PFKFB3: variants seen among roughly 807,000 people sequenced by gnomAD.
PFKFB3 encodes 6-phosphofructo-2-kinase/fructose-2,6-biphosphatase 3, also known as 6-phosphofructo-2-kinase/fructose-2,6-bisphosphatase 3.
Under a neutral mutation model 68.0 loss-of-function variants are expected in PFKFB3, and 33 were observed. The ratio of observed to expected loss-of-function variants is 0.49; its 90% CI spans 0.37 to 0.65. The LOEUF is 0.65. PFKFB3 is among the 30% of genes least tolerant of loss of function. The probability of loss-of-function intolerance (pLI) is 0.00; values close to 1 mark genes in which losing one functional copy is unlikely to be tolerated. For synonymous variants in PFKFB3, 315 were observed against 288.2 expected, an observed-to-expected ratio of 1.09 and a Z score of -0.94; for missense variants, 586 against 712.2, an observed-to-expected ratio of 0.82 and a Z score of 2.02.
chr10:6,324,179 G>A, the PFKFB3 span, among the ~76,000 whole-genome samples: 1 of 152,184 alleles, frequency 6.6e-6, no homozygotes, highest in African/African-American at 2.4e-5. Context: ...GAACCTTGAT[G>A]ACATGACGCT....
chr10:6,159,978 T>TG (rs1435594377), intron 1 of PFKFB3, among the ~76,000 whole-genome samples: 1 of 151,672 alleles, frequency 6.6e-6, no homozygotes, highest in Non-Finnish European at 1.5e-5. Context: ...AGGCTGGTCT[T>TG]GAACTCCTAG....
chr10:6,216,835 C>A, intron 5 of PFKFB3, 55 bp downstream of exon 5: 1 of 1,266,712 alleles, frequency 7.9e-7, no homozygotes, highest in Non-Finnish European at 1.2e-6. Context: ...GAAAAGGCTT[C>A]AGGAAGCGGC....
chr10:6,168,755 G>T (rs1428528549), intron 1 of PFKFB3, among the ~76,000 whole-genome samples: 1 of 151,942 alleles, frequency 6.6e-6, no homozygotes, highest in Admixed American at 6.6e-5. Context: ...GAGTGTATTT[G>T]CAGGTCTGTT....
chr10:6,276,024 C>G, the PFKFB3 span, among the ~76,000 whole-genome samples: 1 of 152,182 alleles, frequency 6.6e-6, no homozygotes, highest in Non-Finnish European at 1.5e-5. Context: ...ATTCATGGCA[C>G]CTTGTATTTG....
chr10:6,256,612 C>T (rs953778834), downstream of PFKFB3, among the ~76,000 whole-genome samples: 22 of 152,238 alleles, frequency 1.4e-4, no homozygotes, highest in African/African-American at 5.1e-4. Context: ...TGACTTCATT[C>T]ATTGCCCTGG....
chr10:6,270,793 C>A, the PFKFB3 span, among the ~76,000 whole-genome samples: 11,533 of 152,158 alleles, frequency 0.076, 756 homozygotes, highest in African/African-American at 0.17. Context: ...TTATTGGTGT[C>A]ATTATTTGCT....
rs373517732 is a variant in PFKFB3, at chr10:6,229,688, T to C, written c.1516-3207T>C. Among the ~76,000 whole-genome samples the C allele has an allele frequency of 2.0e-5, 3 of 152,342 alleles. No individual in the cohort carries two copies. In the East Asian group the frequency reaches 5.8e-4, roughly 29 times the overall value. On this transcript the variant is annotated intron_variant, in intron 14 of 14. Transcript: ENST00000379775. This position sits in a 1 kb window ranked among gnomAD's most constrained non-coding sequence, Gnocchi z 4.3. ...TGGGCTTCTCCTTGTGTGAAACTTTTTGGACTTGGAGCCTGAAGGTTTTAC... is the reference window on the plus strand; with the variant it reads ...TGGGCTTCTCCTTGTGTGAAACTTTCTGGACTTGGAGCCTGAAGGTTTTAC...
chr10:6,242,707 C>T (rs576539873), intron 14 of PFKFB3, among the ~76,000 whole-genome samples: 7 of 152,232 alleles, frequency 4.6e-5, no homozygotes, highest in Non-Finnish European at 8.8e-5. Context: ...CCTGCCTCTG[C>T]CTCTCAGGTA....
chr10:6,168,893 A>T lies in PFKFB3; in HGVS notation c.16+23880A>T, dbSNP rs370346409. Among the ~76,000 whole-genome samples, 12 of 152,290 alleles carry T rather than the reference A, an allele frequency of 7.9e-5. No homozygotes were observed. The East Asian group carries it at 1.9e-3, about 24-fold the overall frequency. ...TCCATCTGCCCAGACAACCTCCTAA[A>T]GTGGTCCTTCGTTGAATGCCTCTCC... On this transcript the variant is annotated intron_variant, in intron 1 of 14. Transcript: ENST00000379789.
chr10:6,262,452 C>CAAAAA, the PFKFB3 span, among the ~76,000 whole-genome samples: 1 of 27,620 alleles, frequency 3.6e-5, no homozygotes, highest in Non-Finnish European at 6.9e-5. Context: ...GACTCCATCT[C>CAAAAA]AAAAAAAAAA....
At chr10:6,287,701 C>T in the PFKFB3 span, among the ~76,000 whole-genome samples, 1 of 152,134 alleles carries the variant, frequency 6.6e-6, no homozygotes, top group Admixed American at 6.6e-5. Context: ...ACTCCCAGTT[C>T]CTCCCTCTTG....
chr10:6,151,312 A>G (rs1841576022), intron 1 of PFKFB3, among the ~76,000 whole-genome samples: 2 of 151,424 alleles, frequency 1.3e-5, no homozygotes, highest in South Asian at 4.2e-4. Context: ...GCACTTCCGC[A>G]AGCAGCCTTT....
chr10:6,239,683 T>G (rs550577268), downstream of PFKFB3, among the ~76,000 whole-genome samples: 5 of 151,566 alleles, frequency 3.3e-5, no homozygotes, highest in Non-Finnish European at 5.9e-5. Context: ...CTTTCTAATA[T>G]TTTTTTTTGA....
chr10:6,205,342 G>A (rs1410040785), intron 1 of PFKFB3, among the ~76,000 whole-genome samples: 1 of 148,762 alleles, frequency 6.7e-6, no homozygotes, highest in Admixed American at 6.7e-5. Context: ...ACCCTCCCTC[G>A]ATTCTCTAAT....
At chr10:6,271,305 A>G in the PFKFB3 span, among the ~76,000 whole-genome samples, 1 of 152,232 alleles carries the variant, frequency 6.6e-6, no homozygotes, top group Non-Finnish European at 1.5e-5. Flanking sequence ...CTTTCAATTT[A>G]TGATTTCCTG....
At chr10:6,314,076 C>G in the PFKFB3 span, among the ~76,000 whole-genome samples, 1 of 152,324 alleles carries the variant, frequency 6.6e-6, no homozygotes, top group African/African-American at 2.4e-5. Flanking sequence ...GTCACTGTTT[C>G]CTGAGAAGTA....
At chr10:6,163,049 T>A (rs1842012503) in intron 1 of PFKFB3, among the ~76,000 whole-genome samples, 1 of 152,034 alleles carries the variant, frequency 6.6e-6, no homozygotes, top group South Asian at 2.1e-4. Flanking sequence ...CATAATTGTA[T>A]CTTTCATTTG....
chr10:6,208,371 C>CTTGTTTTTTTTTTTTTTT, intron 1 of PFKFB3, among the ~76,000 whole-genome samples: 1 of 60,638 alleles, frequency 1.6e-5, no homozygotes, highest in Non-Finnish European at 2.9e-5. Flanking sequence ...GGTACCTGGC[C>CTTGTTTTTTTTTTTTTTT]TTTTTTTTTT....
intron 2 of PFKFB3, among the ~76,000 whole-genome samples, chr10:6,213,982 C>T (rs906331397): frequency 2.6e-5 from 4 of 151,076 alleles, no homozygotes; most frequent in Admixed American, 6.6e-5. Flanking sequence ...AGTCCTGCCC[C>T]GACTCAGATT....
Sources: allele counts gnomAD v4.1 joint callset (sites outside exome capture counted in the v4.1 genomes callset), GRCh38; gene constraint gnomAD v4.1.1; non-coding constraint Gnocchi (gnomAD v3.1); transcripts MANE v1.5; gene names NCBI Gene and HGNC (gene_info 2026-07-23, HGNC 2026-07-21).